The following AUTS2 variants were observed in gnomAD, a reference collection of about 807,000 sequenced individuals.
AUTS2 encodes the protein autism susceptibility gene 2 protein.
AUTS2 carries 17 observed loss-of-function variants against 112.4 expected under a neutral mutation model. That is an observed-to-expected ratio of 0.15 (90% CI 0.10 to 0.23). The LOEUF (loss-of-function observed/expected upper bound fraction) is 0.23. Among genes scored for constraint, AUTS2 ranks in the 10% least tolerant of loss-of-function variants. The pLI, the probability that AUTS2 is intolerant of heterozygous loss-of-function variation, is 1.00. For missense variants in AUTS2, 1,510 were observed against 1,701.6 expected, an observed-to-expected ratio of 0.89 and a Z score of 1.98; for synonymous variants, 751 against 702.7, an observed-to-expected ratio of 1.07 and a Z score of -1.09.
chr7:69,850,357 C>T (rs1279444198), intron 1 of AUTS2, among the ~76,000 whole-genome samples: 2 of 132,106 alleles, frequency 1.5e-5, no homozygotes, highest in South Asian at 5.0e-4. Context: ...CCGGATCATG[C>T]TACTGCACTC....
chr7:70,770,421 G>A (rs938761333), intron 10 of AUTS2, among the ~76,000 whole-genome samples: 6 of 152,184 alleles, frequency 3.9e-5, no homozygotes, highest in Non-Finnish European at 7.3e-5. Context: ...TTATTAAGAC[G>A]AGCTTCAATT....
chr7:69,928,459 C>G (rs559388070), intron 2 of AUTS2, among the ~76,000 whole-genome samples: 1 of 152,192 alleles, frequency 6.6e-6, no homozygotes, highest in Non-Finnish European at 1.5e-5. Flanking sequence ...GCTGTCTGTG[C>G]CAGGAGGCAC....
chr7:70,137,000 A>G (rs1020961274), intron 4 of AUTS2, among the ~76,000 whole-genome samples: 1 of 152,154 alleles, frequency 6.6e-6, no homozygotes, highest in Non-Finnish European at 1.5e-5. Flanking sequence ...CTTAGCCAAA[A>G]CCAGTATATT....
chr7:69,977,203 T>C (rs1462605639), intron 2 of AUTS2, among the ~76,000 whole-genome samples: 3 of 152,194 alleles, frequency 2.0e-5, no homozygotes, highest in Non-Finnish European at 4.4e-5. Flanking sequence ...TAAACTATCT[T>C]TCTCCATTGA....
intron 1 of AUTS2, among the ~76,000 whole-genome samples, chr7:69,649,244 A>G (rs1795178504): frequency 6.6e-6 from 1 of 152,210 alleles, no homozygotes; most frequent in African/African-American, 2.4e-5. Flanking sequence ...CAGCCAAAAC[A>G]AAACAAAAAC....
At chr7:69,847,418 CTT>C (rs1406091612) in intron 1 of AUTS2, among the ~76,000 whole-genome samples, 1 of 152,174 alleles carries the variant, frequency 6.6e-6, no homozygotes, top group East Asian at 1.9e-4. Flanking sequence ...ATGGGGAAAA[CTT>C]TGCATTTTGC....
chr7:70,253,721 G>A (rs1786718335), intron 4 of AUTS2, among the ~76,000 whole-genome samples: 1 of 152,076 alleles, frequency 6.6e-6, no homozygotes, highest in African/African-American at 2.4e-5. Context: ...CTCTATGAGA[G>A]TCAGCTTGTC....
intron 5 of AUTS2, among the ~76,000 whole-genome samples, chr7:70,627,867 A>T (rs1805032063): frequency 6.6e-6 from 1 of 152,220 alleles, no homozygotes; most frequent in Non-Finnish European, 1.5e-5. Context: ...CGTGGTCAGG[A>T]TGTCATGGGA....
chr7:70,239,082 ACTC>A (rs1410439547), intron 4 of AUTS2, among the ~76,000 whole-genome samples: 52 of 152,026 alleles, frequency 3.4e-4, no homozygotes, highest in African/African-American at 1.2e-3. Flanking sequence ...TAATCATCAG[ACTC>A]CTCCACTTTT....
chr7:70,045,584 A>ATTATT lies in AUTS2; in HGVS notation c.523-72542_523-72538dup, dbSNP rs1475500541. The stretch of plus-strand genomic sequence containing the variant: ...AATGTGACTCACATTTGCAACTCAC[A>ATTATT]TTATTTTATTATATTATATTTTATT... On this transcript the variant is annotated intron_variant, in intron 2 of 18. Transcript: ENST00000342771. Among the ~76,000 whole-genome samples, 4 of 150,898 alleles carry ATTATT rather than the reference A, an allele frequency of 2.7e-5. No individual in the cohort carries two copies. In the East Asian group the frequency reaches 7.8e-4, roughly 29 times the overall value.
intron 5 of AUTS2, among the ~76,000 whole-genome samples, chr7:70,662,542 G>A (rs1807127551): frequency 6.6e-6 from 1 of 151,902 alleles, no homozygotes. Flanking sequence ...AGAGAGAAAC[G>A]GGCTTCATGA....
At chr7:70,561,827 G>A (rs1801499736) in intron 5 of AUTS2, among the ~76,000 whole-genome samples, 2 of 152,078 alleles carry the variant, frequency 1.3e-5, no homozygotes, top group African/African-American at 4.8e-5. Context: ...ATAATAGCCA[G>A]AACTAGGTCA....
intron 6 of AUTS2, among the ~76,000 whole-genome samples, chr7:70,712,612 CA>C (rs1207986754): frequency 6.6e-6 from 1 of 152,170 alleles, no homozygotes; most frequent in Non-Finnish European, 1.5e-5. Context: ...GGTAGAGTCA[CA>C]ACTCTGTTTT....
chr7:70,470,551 T>C (rs955771420), intron 5 of AUTS2, among the ~76,000 whole-genome samples: 1 of 152,214 alleles, frequency 6.6e-6, no homozygotes, highest in African/African-American at 2.4e-5. Context: ...TATCTAAACA[T>C]GGACTGGGCC....
intron 1 of AUTS2, among the ~76,000 whole-genome samples, chr7:69,624,256 G>A (rs929618941): frequency 6.6e-6 from 1 of 152,138 alleles, no homozygotes; most frequent in African/African-American, 2.4e-5. Flanking sequence ...AGTGAGTCTT[G>A]TCATTACTGT....
intron 2 of AUTS2, among the ~76,000 whole-genome samples, chr7:69,926,727 T>C (rs1796029379): frequency 6.8e-6 from 1 of 147,934 alleles, no homozygotes; most frequent in Non-Finnish European, 1.5e-5. Flanking sequence ...TATTTTCCTC[T>C]TTTTTTTGTG....
intron 5 of AUTS2, among the ~76,000 whole-genome samples, chr7:70,466,636 A>T (rs1420318517): frequency 6.6e-6 from 1 of 152,224 alleles, no homozygotes; most frequent in East Asian, 1.9e-4. Context: ...CCATGCACAT[A>T]TAAAGAAAAG....
intron 2 of AUTS2, among the ~76,000 whole-genome samples, chr7:69,944,468 G>A (rs187981047): frequency 9.2e-5 from 14 of 152,274 alleles, no homozygotes; most frequent in Non-Finnish European, 1.8e-4. Flanking sequence ...GTGTAAGACT[G>A]TAGAAGACAT....
chr7:70,154,817 A>G (rs898655709), intron 4 of AUTS2, among the ~76,000 whole-genome samples: 1 of 152,250 alleles, frequency 6.6e-6, no homozygotes. Context: ...ACTCGCTGCT[A>G]TTATCTCTTT....
Sources: gnomAD v4.1 joint callset for allele counts (sites outside exome capture counted in the v4.1 genomes callset) on GRCh38, gnomAD v4.1.1 for gene constraint, MANE v1.5 for transcripts, NCBI Gene and HGNC (gene_info 2026-07-23, HGNC 2026-07-21) for gene names.